The following DCDC1 variants were observed in gnomAD, a reference collection of about 807,000 sequenced individuals.
DCDC1 encodes the protein doublecortin domain containing 1, also known as doublecortin domain-containing protein 1.
In DCDC1, 200 loss-of-function variants were observed where a neutral mutation model predicts 178.3. The ratio of observed to expected loss-of-function variants is 1.12; its 90% CI spans 1.00 to 1.26. The LOEUF is 1.26. Among genes scored for constraint, DCDC1 ranks in the 50% most tolerant of loss-of-function variants. The probability of loss-of-function intolerance (pLI) is 0.00; values close to 1 mark genes in which losing one functional copy is unlikely to be tolerated. For missense variants in DCDC1, 1,983 were observed against 1,749.2 expected (o/e 1.13, Z -2.38); for synonymous variants, 690 against 604.8 (o/e 1.14, Z -2.07).
intron 9 of DCDC1, among the ~76,000 whole-genome samples, chr11:31,233,832 C>T (rs771375398): frequency 2.6e-5 from 4 of 152,018 alleles, no homozygotes; most frequent in Non-Finnish European, 4.4e-5. Flanking sequence ...AGTATCTGAC[C>T]GAATTTTTGC....
At chr11:31,151,729 C>T (rs1361182306) in intron 9 of DCDC1, among the ~76,000 whole-genome samples, 5 of 152,144 alleles carry the variant, frequency 3.3e-5, no homozygotes, top group South Asian at 2.1e-4. Flanking sequence ...GGTATCACAT[C>T]GCCATATTAG....
At chr11:31,127,245 G>A (rs1199064511) in intron 11 of DCDC1, among the ~76,000 whole-genome samples, 3 of 152,094 alleles carry the variant, frequency 2.0e-5, no homozygotes, top group African/African-American at 7.2e-5. Flanking sequence ...TTTCTGAATT[G>A]GAAACTAGTT....
At chr11:30,890,659 A>G (rs1224770320) in intron 36 of DCDC1, among the ~76,000 whole-genome samples, 2 of 152,238 alleles carry the variant, frequency 1.3e-5, no homozygotes, top group African/African-American at 4.8e-5. Flanking sequence ...ATAGGAAAAC[A>G]TGCAAGAAAG....
intron 15 of DCDC1, among the ~76,000 whole-genome samples, chr11:31,099,626 G>C (rs1403410548): frequency 1.3e-5 from 2 of 152,006 alleles, no homozygotes; most frequent in Non-Finnish European, 2.9e-5. Context: ...ATCTGGTTTG[G>C]AAATGGGGTT....
At chr11:31,081,166 A>G (rs1233044255) in intron 17 of DCDC1, among the ~76,000 whole-genome samples, 1 of 152,216 alleles carries the variant, frequency 6.6e-6, no homozygotes, top group Non-Finnish European at 1.5e-5. Flanking sequence ...ATAAATAAAA[A>G]CGTGAATAAA....
At chr11:31,236,709 T>C (rs1976508273) in intron 9 of DCDC1, among the ~76,000 whole-genome samples, 1 of 152,024 alleles carries the variant, frequency 6.6e-6, no homozygotes, top group Non-Finnish European at 1.5e-5. Flanking sequence ...AAAAATTACT[T>C]ACCAGAACCT....
rs1958004847 is a variant in DCDC1, at chr11:31,094,321, C to A, written c.1984-137G>T. 4.9e-6 allele frequency: 3 copies of A among 618,366 alleles called. No individual in the cohort carries two copies. The Admixed American group carries it at 7.8e-5, about 16-fold the overall frequency. 38.3% of individuals were successfully genotyped at this position (618,366 alleles called of 1,614,324 possible). A position where few individuals can be genotyped will look rare whatever the true frequency, so the allele number is the denominator to read the frequency against. On this transcript the variant is annotated intron_variant, in intron 15 of 38. Coordinates refer to ENST00000684477, the MANE Select transcript of DCDC1 (RefSeq NM_001387274.1). ...CTCTTTTCAAAAAGTAGCATTCAAT[C>A]CCCTTTAATTCAATTCAATCAATAT...
chr11:31,175,282 G>C (rs1967841463), intron 9 of DCDC1, among the ~76,000 whole-genome samples: 1 of 152,204 alleles, frequency 6.6e-6, no homozygotes, highest in Non-Finnish European at 1.5e-5. Flanking sequence ...GCCACAACCA[G>C]TGTTCCTGGC....
chr11:30,878,625 G>A lies in DCDC1; in HGVS notation c.5320C>T (p.Pro1774Ser). ...GCCAGAGACAGCAGCTTCGTGGATG[G>A]TGACACCACAATGTCTGTGGCTTGA... ...GPQATDIVVS[P>S]STKLLSLAHL... The change falls in exon 38 of 39, where the codon CCA becomes TCA. Residue 1774 changes from proline to serine, a missense_variant. Physicochemically the swap from Pro to Ser is moderately conservative, Grantham distance 74 (BLOSUM62 -1). Transcript: ENST00000684477. 6.2e-7 allele frequency: 1 copy of A among 1,611,150 alleles called. No homozygotes were observed. Among genetic ancestry groups the A allele is most frequent in the Non-Finnish European group, 8.5e-7 (1 of 1,178,690 alleles).
intron 23 of DCDC1, among the ~76,000 whole-genome samples, chr11:30,924,568 G>C (rs1946479080): frequency 6.6e-6 from 1 of 152,004 alleles, no homozygotes; most frequent in Non-Finnish European, 1.5e-5. Flanking sequence ...ACCAAATAGA[G>C]TGTATGAAAA....
chr11:30,957,268 C>T (rs1273844291), intron 20 of DCDC1, among the ~76,000 whole-genome samples: 2 of 152,148 alleles, frequency 1.3e-5, no homozygotes, highest in African/African-American at 4.8e-5. Context: ...TCTACACCCA[C>T]ATCCATGACT....
chr11:31,258,893 A>T (rs1944591469), intron 8 of DCDC1, among the ~76,000 whole-genome samples: 1 of 152,198 alleles, frequency 6.6e-6, no homozygotes. Flanking sequence ...GATCACCCTC[A>T]GTTGAGCATG....
chr11:31,047,145 T>A (rs577200781), intron 20 of DCDC1, among the ~76,000 whole-genome samples: 1 of 152,306 alleles, frequency 6.6e-6, no homozygotes, highest in South Asian at 2.1e-4. Context: ...GTTCCAAGTT[T>A]CTATCTGTTG....
intron 3 of DCDC1, among the ~76,000 whole-genome samples, chr11:31,310,587 G>A (rs1170682291): frequency 6.6e-6 from 1 of 151,846 alleles, no homozygotes; most frequent in Non-Finnish European, 1.5e-5. Context: ...TCAAAGTGCT[G>A]GGATTACACC....
At chr11:30,999,689 T>C (rs1384402072) in intron 20 of DCDC1, among the ~76,000 whole-genome samples, 4 of 151,964 alleles carry the variant, frequency 2.6e-5, no homozygotes, top group African/African-American at 7.2e-5. Flanking sequence ...GTTTGGACAA[T>C]GCGACTCTTA....
chr11:30,898,728 G>T (rs761131905), intron 34 of DCDC1, among the ~76,000 whole-genome samples: 1 of 152,188 alleles, frequency 6.6e-6, no homozygotes, highest in East Asian at 1.9e-4. Context: ...TAAGAACTGG[G>T]TAATAGCCAT....
intron 11 of DCDC1, among the ~76,000 whole-genome samples, chr11:31,116,348 C>A (rs1287451928): frequency 6.6e-6 from 1 of 151,250 alleles, no homozygotes; most frequent in Non-Finnish European, 1.5e-5. Context: ...TCAAATAACA[C>A]AAAAATTAAA....
intron 25 of DCDC1, among the ~76,000 whole-genome samples, chr11:30,917,923 G>A (rs1243213598): frequency 1.3e-5 from 2 of 152,106 alleles, no homozygotes; most frequent in African/African-American, 2.4e-5. Flanking sequence ...AGAGCTGACC[G>A]TACTCTTTTC....
chr11:30,884,033 A>AT lies in DCDC1; in HGVS notation c.5083-2726dup, dbSNP rs59940255. On this transcript the variant is annotated intron_variant, in intron 36 of 38. Transcript: ENST00000684477. ...AAAGAAAACCAAAGCATTCTTTCTC[A>AT]TTTTTTTTTTTTTTTGAGACAGGGT... 1.5e-3 allele frequency among the ~76,000 whole-genome samples: 146 copies of AT among 95,762 alleles called. 4 individuals are homozygous for AT. The highest frequency in any genetic ancestry group is 5.7e-3 in the East Asian group (22 of 3,866). 62.8% of individuals were successfully genotyped at this position (95,762 alleles called of 152,430 possible). A position where few individuals can be genotyped will look rare whatever the true frequency, so the allele number is the denominator to read the frequency against.
Sources: allele counts gnomAD v4.1 joint callset (sites outside exome capture counted in the v4.1 genomes callset), GRCh38; gene constraint gnomAD v4.1.1; transcripts MANE v1.5; gene names NCBI Gene and HGNC (gene_info 2026-07-23, HGNC 2026-07-21).